The following ADAP1 variants were observed in gnomAD, a reference collection of about 807,000 sequenced individuals.
The protein encoded by ADAP1 is ArfGAP with dual PH domains 1, also known as arf-GAP with dual PH domain-containing protein 1.
In ADAP1, 31 loss-of-function variants were observed where a neutral mutation model predicts 54.9. That is an observed-to-expected ratio of 0.56 (90% CI 0.42 to 0.76). ADAP1 has a LOEUF of 0.76. ADAP1 is among the 30% of genes least tolerant of loss of function. The probability of loss-of-function intolerance (pLI) is 0.00; values close to 1 mark genes in which losing one functional copy is unlikely to be tolerated. For synonymous variants in ADAP1, 313 were observed against 202.6 expected (o/e 1.55, Z -4.63); for missense variants, 535 against 512.4 (o/e 1.04, Z -0.42).
At chr7:953,133 A>C (rs910995761) in intron 1 of ADAP1, among the ~76,000 whole-genome samples, 1 of 152,130 alleles carries the variant, frequency 6.6e-6, no homozygotes, top group Non-Finnish European at 1.5e-5. Context: ...GTTCCTGAAC[A>C]GGAGGAAATA....
chr7:927,289 C>T lies in ADAP1; in HGVS notation c.214-645G>A, dbSNP rs574854311. ...AGGCTCGTGCTCCAGGAGGCTGTCA[C>T]GCACACTGTGCTCCTGGCAGGCGCA... On this transcript the variant is annotated intron_variant, in intron 2 of 10. Coordinates refer to ENST00000265846, the MANE Select transcript of ADAP1 (RefSeq NM_006869.4). 5.3e-5 allele frequency: 64 copies of T among 1,216,006 alleles called. No individual in the cohort carries two copies. The South Asian group carries it at 5.5e-4, about 10-fold the overall frequency. 75.3% of individuals were successfully genotyped at this position (1,216,006 alleles called of 1,614,324 possible).
intron 1 of ADAP1, among the ~76,000 whole-genome samples, chr7:953,511 C>A (rs563177691): frequency 2.0e-5 from 3 of 152,184 alleles, no homozygotes; most frequent in Non-Finnish European, 2.9e-5. Flanking sequence ...CAGTCACCGC[C>A]GGTGAGTTTA....
At chr7:902,489 G>A (rs1385396542) in intron 6 of ADAP1, among the ~76,000 whole-genome samples, 6 of 138,972 alleles carry the variant, frequency 4.3e-5, no homozygotes, top group Admixed American at 2.2e-4. Context: ...AAGAAAGAAA[G>A]AAAAATAAAT....
At chr7:935,123 C>T (rs1438961293) in intron 2 of ADAP1, 3 of 635,026 alleles carry the variant, frequency 4.7e-6, no homozygotes, top group African/African-American at 1.8e-5. Context: ...GACCCGCCTT[C>T]GCTCCCTGGC....
intron 2 of ADAP1, among the ~76,000 whole-genome samples, chr7:928,820 C>CAGCA: frequency 6.6e-6 from 1 of 152,320 alleles, no homozygotes; most frequent in Middle Eastern, 3.4e-3. Context: ...ACAGAGTTAC[C>CAGCA]ATAGAGTCCA....
chr7:938,158 G>T lies in ADAP1; in HGVS notation c.83-2653C>A, dbSNP rs189531264. Among the ~76,000 whole-genome samples, 29 of 151,968 alleles carry T rather than the reference G, an allele frequency of 1.9e-4. No homozygotes were observed. Among genetic ancestry groups the T allele is most frequent in the Admixed American group, 8.5e-4 (13 of 15,212 alleles). On this transcript the variant is annotated intron_variant, in intron 1 of 10. Transcript: ENST00000265846. This position sits in a 1 kb window ranked among gnomAD's most constrained non-coding sequence, Gnocchi z 4.4. Reference sequence around the variant, plus strand: ...ATCAGCCGTTGTTTGGTTTTGCGGGGTTTTTTTTGTCTTGTATTGTATTGT... The same window carrying T: ...ATCAGCCGTTGTTTGGTTTTGCGGGTTTTTTTTTGTCTTGTATTGTATTGT...
At chr7:947,525 T>C (rs947877788) in intron 1 of ADAP1, among the ~76,000 whole-genome samples, 2 of 151,928 alleles carry the variant, frequency 1.3e-5, no homozygotes, top group African/African-American at 4.8e-5. Context: ...CCCTGGACAC[T>C]GCTCCCACGT....
At chr7:899,806 C>G (rs1039433244) in intron 8 of ADAP1, among the ~76,000 whole-genome samples, 1 of 152,178 alleles carries the variant, frequency 6.6e-6, no homozygotes, top group Non-Finnish European at 1.5e-5. Flanking sequence ...ATTTGTGTCT[C>G]CCTCCCACAT....
In ADAP1 at chr7:946,508, A is replaced by G. The variant is rs1847143390; in HGVS notation, c.82+7888T>C. Among the ~76,000 whole-genome samples the G allele has an allele frequency of 6.6e-6, 1 of 152,092 alleles. No individual in the cohort carries two copies. Among genetic ancestry groups the G allele is most frequent in the African/African-American group, 2.4e-5 (1 of 41,404 alleles). ...GGATCCCTCCCAGCAGCACCCGGAC[A>G]CAGTCCATTTTCAGAATCCCCCAAG... is the stretch of plus-strand genomic sequence containing the variant. On this transcript the variant is annotated intron_variant, in intron 1 of 10. Coordinates refer to ENST00000265846, the MANE Select transcript of ADAP1 (RefSeq NM_006869.4). The surrounding 1 kb of genome is among the most constrained non-coding windows in gnomAD (Gnocchi z 4.3).
At chr7:928,697 G>C (rs990723434) in intron 2 of ADAP1, among the ~76,000 whole-genome samples, 1 of 152,242 alleles carries the variant, frequency 6.6e-6, no homozygotes, top group Non-Finnish European at 1.5e-5. Flanking sequence ...GGTCAAAGTG[G>C]CACAGGGGAG....
chr7:936,458 C>T (rs1226139118), intron 1 of ADAP1, among the ~76,000 whole-genome samples: 1 of 151,860 alleles, frequency 6.6e-6, no homozygotes, highest in Non-Finnish European at 1.5e-5. Context: ...TCCCAAAGTG[C>T]TGGGATGACA....
At chr7:954,132 G>A (rs1231074551) in intron 1 of ADAP1, among the ~76,000 whole-genome samples, 4 of 152,150 alleles carry the variant, frequency 2.6e-5, no homozygotes, top group Admixed American at 6.5e-5. Context: ...CCCGGCGGGG[G>A]AGGGGAGGCG....
chr7:931,989 T>G (rs1440818911), intron 2 of ADAP1, among the ~76,000 whole-genome samples: 1 of 152,108 alleles, frequency 6.6e-6, no homozygotes, highest in Non-Finnish European at 1.5e-5. Flanking sequence ...GGGGGCCCAG[T>G]GCAGCTCCCG....
chr7:936,043 C>T (rs1846751379), intron 1 of ADAP1, among the ~76,000 whole-genome samples: 1 of 152,218 alleles, frequency 6.6e-6, no homozygotes, highest in Non-Finnish European at 1.5e-5. Context: ...GGTGACAGCG[C>T]CCGGCGGCCA....
intron 4 of ADAP1, among the ~76,000 whole-genome samples, chr7:906,958 T>C (rs1412786397): frequency 6.6e-6 from 1 of 151,928 alleles, no homozygotes; most frequent in African/African-American, 2.4e-5. Flanking sequence ...CCAGGGACCC[T>C]CCCCATCCTG....
chr7:932,962 C>T (rs1348901721), intron 2 of ADAP1, among the ~76,000 whole-genome samples: 3 of 152,152 alleles, frequency 2.0e-5, no homozygotes, highest in Admixed American at 6.5e-5. Flanking sequence ...GCAATCACAA[C>T]TCACTGCAGC....
In ADAP1 at chr7:930,318, T is replaced by C. The variant is rs116264448; in HGVS notation, c.214-3674A>G. Among the ~76,000 whole-genome samples, 991 of 148,948 alleles carry C rather than the reference T, an allele frequency of 6.7e-3. 10 individuals carry two copies. The highest frequency in any genetic ancestry group is 0.024 in the African/African-American group (957 of 39,898). On this transcript the variant is annotated intron_variant, in intron 2 of 10. Coordinates refer to ENST00000265846, the MANE Select transcript of ADAP1 (RefSeq NM_006869.4). Reference sequence around the variant, plus strand: ...ATTTCTCTAACATACCAGCAACCCCTAGAAGATGAAAACAGCTAACATTGC... The same window carrying C: ...ATTTCTCTAACATACCAGCAACCCCCAGAAGATGAAAACAGCTAACATTGC...
Position 905,371 on chromosome 7 carries a change from G to GAGAAAGGAGAAAGGAGAAAGGAGAAAGGA in ADAP1, c.389-200_389-199insTCCTTTCTCCTTTCTCCTTTCTCCTTTCT, listed in dbSNP as rs376551972. 28 of 60,668 alleles carry GAGAAAGGAGAAAGGAGAAAGGAGAAAGGA rather than the reference G, an allele frequency of 4.6e-4. 4 individuals are homozygous for GAGAAAGGAGAAAGGAGAAAGGAGAAAGGA. The highest frequency in any genetic ancestry group is 6.3e-4 in the Admixed American group (2 of 3,152). 3.8% of individuals were successfully genotyped at this position (60,668 alleles called of 1,614,324 possible). A position where few individuals can be genotyped will look rare whatever the true frequency, so the allele number is the denominator to read the frequency against. ...GGAAGATGGGCAGGGAAAGGGAAAG[G>GAGAAAGGAGAAAGGAGAAAGGAGAAAGGA]GAAAGGAGAAAGGAGAAAGGAGAAA... On this transcript the variant is annotated intron_variant, in intron 4 of 10. Coordinates refer to ENST00000265846, the MANE Select transcript of ADAP1 (RefSeq NM_006869.4).
Position 920,215 on chromosome 7 carries a change from C to A in ADAP1, c.306-165G>T, listed in dbSNP as rs1846134136. The stretch of plus-strand genomic sequence containing the variant: ...GATCCCGGAAGAAATGCAGGGTCAG[C>A]CTCCTGCCCGGGACGCTTCTCACTC... On this transcript the variant is annotated intron_variant, in intron 3 of 10. Coordinates refer to ENST00000265846, the MANE Select transcript of ADAP1 (RefSeq NM_006869.4). The surrounding 1 kb of genome is among the most constrained non-coding windows in gnomAD (Gnocchi z 4.5). Among the ~76,000 whole-genome samples the A allele has an allele frequency of 6.6e-6, 1 of 152,148 alleles. No individual in the cohort carries two copies. The highest frequency in any genetic ancestry group is 6.5e-5 in the Admixed American group (1 of 15,288).
Sources: allele counts gnomAD v4.1 joint callset (sites outside exome capture counted in the v4.1 genomes callset), GRCh38; gene constraint gnomAD v4.1.1; non-coding constraint Gnocchi (gnomAD v3.1); transcripts MANE v1.5; gene names NCBI Gene and HGNC (gene_info 2026-07-23, HGNC 2026-07-21).